The following TRIM29 variants were observed in gnomAD, a reference collection of about 807,000 sequenced individuals.
TRIM29 encodes tripartite motif containing 29.
TRIM29 carries 52 observed loss-of-function variants against 57.3 expected under a neutral mutation model. The ratio of observed to expected loss-of-function variants is 0.91; its 90% CI spans 0.73 to 1.14. The LOEUF is 1.14. Ranked by LOEUF, TRIM29 falls within the 50% of genes most tolerant of loss-of-function variation. The probability of loss-of-function intolerance (pLI) is 0.00; values close to 1 mark genes in which losing one functional copy is unlikely to be tolerated. For synonymous variants in TRIM29, 319 were observed against 316.9 expected, an observed-to-expected ratio of 1.01 and a Z score of -0.07; for missense variants, 753 against 774.6, an observed-to-expected ratio of 0.97 and a Z score of 0.33.
chr11:120,126,839 G>T (rs1174961328), intron 3 of TRIM29, among the ~76,000 whole-genome samples: 1 of 152,210 alleles, frequency 6.6e-6, no homozygotes, highest in African/African-American at 2.4e-5. Flanking sequence ...GATTGCAGTT[G>T]CTTGGAGGCA....
intron 4 of TRIM29, chr11:120,125,201 T>C (rs532256493): frequency 2.7e-4 from 45 of 163,928 alleles, no homozygotes; most frequent in African/African-American, 1.0e-3. Context: ...ACAGGCCAAG[T>C]CCAGCCTCTG....
At chr11:120,112,884 C>T (rs960886298) in intron 8 of TRIM29, among the ~76,000 whole-genome samples, 2 of 152,306 alleles carry the variant, frequency 1.3e-5, no homozygotes, top group Admixed American at 6.5e-5. Flanking sequence ...TTTACAACCA[C>T]CCAATTAAAT....
intron 5 of TRIM29, chr11:120,121,903 G>A (rs751646922): frequency 4.5e-6 from 2 of 442,532 alleles, no homozygotes; most frequent in South Asian, 3.2e-5. Context: ...CTGAGGAGAG[G>A]GGTGCTGGGG....
At chr11:120,112,581 C>T in intron 8 of TRIM29, 105 bp from the exon 9 acceptor site, 1 of 1,236,418 alleles carries the variant, frequency 8.1e-7, no homozygotes, top group Non-Finnish European at 1.2e-6. Flanking sequence ...TGATCCAAGA[C>T]CCGACAATTC....
At chr11:120,119,586 C>T (rs753013729) in intron 6 of TRIM29, among the ~76,000 whole-genome samples, 2 of 152,324 alleles carry the variant, frequency 1.3e-5, no homozygotes, top group East Asian at 1.9e-4. Flanking sequence ...CCTGTAGCAG[C>T]GAACAGGACA....
Position 120,111,571 on chromosome 11 carries a change from C to T in TRIM29, c.*843G>A, listed in dbSNP as rs1350373611. ...TTTTGCGGTCAGCCCAGCCACACTC[C>T]ATCGCCAGAGAGAATGCCAAAGTGT... is the stretch of plus-strand genomic sequence containing the variant. On this transcript the variant is annotated 3_prime_UTR_variant, in exon 9 of 9. Transcript: ENST00000341846. 1 of 152,238 alleles carries T rather than the reference C, an allele frequency of 6.6e-6. No individual in the cohort carries two copies. The highest frequency in any genetic ancestry group is 6.5e-5 in the Admixed American group (1 of 15,284). 9.4% of individuals were successfully genotyped at this position (152,238 alleles called of 1,614,324 possible).
Position 120,115,002 on chromosome 11 carries a change from T to C in TRIM29, c.1704+336A>G, listed in dbSNP as rs1337924728. Among the ~76,000 whole-genome samples the C allele has an allele frequency of 1.3e-5, 2 of 152,152 alleles. 1 individual carries two copies. Among genetic ancestry groups the C allele is most frequent in the Admixed American group, 1.3e-4 (2 of 15,278 alleles). ...GGCCTGTCCTCCCACTGGGCTGTTT[T>C]ACAATCCCAGAGCTGGCAGAACCCA... On this transcript the variant is annotated intron_variant, in intron 8 of 8. Transcript: ENST00000341846.
chr11:120,125,616 C>G, intron 4 of TRIM29, 75 bp downstream of exon 4: 1 of 1,533,334 alleles, frequency 6.5e-7, no homozygotes, highest in Non-Finnish European at 9.0e-7. Flanking sequence ...GAGGCCAGCC[C>G]ATGTCAGGCA....
intron 6 of TRIM29, among the ~76,000 whole-genome samples, chr11:120,119,187 G>T (rs1863368028): frequency 6.6e-6 from 1 of 152,208 alleles, no homozygotes; most frequent in African/African-American, 2.4e-5. Context: ...GTGGGAAAGG[G>T]GTGGGAGAAG....
At position 120,127,326 on chromosome 11, in the gene TRIM29, G is replaced by C; in HGVS notation, c.1134+10C>G. On this transcript the variant is annotated intron_variant, in intron 3 of 8. Transcript: ENST00000341846. Reference sequence around the variant, plus strand: ...TCGAGGGCTTGAGTGACAGAGGAGTGGCTTGTTACCTGCAGAAACAACACA... The same window carrying C: ...TCGAGGGCTTGAGTGACAGAGGAGTCGCTTGTTACCTGCAGAAACAACACA... The C allele has an allele frequency of 6.2e-7, 1 of 1,612,812 alleles. No individual in the cohort carries two copies. The highest frequency in any genetic ancestry group is 1.7e-5 in the Admixed American group (1 of 59,978).
chr11:120,125,749 C>T lies in TRIM29; in HGVS notation c.1275G>A (p.Glu425=), dbSNP rs536092686. The T allele has an allele frequency of 1.2e-6, 2 of 1,614,216 alleles. No individual in the cohort carries two copies. Among genetic ancestry groups the T allele is most frequent in the African/African-American group, 1.3e-5 (1 of 75,048 alleles). Reference sequence around the variant, plus strand: ...GGCTCAGGTCCGCCTTGCACATCTTCTCAACGTGGCGCATGCATACATTGA... The same window carrying T: ...GGCTCAGGTCCGCCTTGCACATCTTTTCAACGTGGCGCATGCATACATTGA... ...DLLNVCMRHV[E]KMCKADLSRN... is the part of the protein sequence containing the mutation. The change falls in exon 4 of 9, where the codon GAG becomes GAA. Residue 425 remains glutamate (E), a synonymous_variant. Transcript: ENST00000341846.
chr11:120,127,919 A>G (rs1309974793), intron 2 of TRIM29, among the ~76,000 whole-genome samples: 2 of 152,172 alleles, frequency 1.3e-5, no homozygotes, highest in Non-Finnish European at 2.9e-5. Flanking sequence ...TCAGAAAATG[A>G]ATGTATATGT....
rs781515277 is a variant in TRIM29 at position 120,111,734 on chromosome 11, T to C, written c.*680A>G. On this transcript the variant is annotated 3_prime_UTR_variant, in exon 9 of 9. Coordinates refer to ENST00000341846, the MANE Select transcript of TRIM29 (RefSeq NM_012101.4). The stretch of plus-strand genomic sequence containing the variant: ...AGGAATATCTTGGCTAAGGTCATCC[T>C]GCCAGTCAGGAGAAGCCACCCTCCA... The C allele has an allele frequency of 6.6e-6, 1 of 152,426 alleles. No homozygotes were observed. The highest frequency in any genetic ancestry group is 1.5e-5 in the Non-Finnish European group (1 of 68,188). 9.4% of individuals were successfully genotyped at this position (152,426 alleles called of 1,614,324 possible).
At chr11:120,124,564 G>A (rs1054176612) in intron 4 of TRIM29, 2 of 152,202 alleles carry the variant, frequency 1.3e-5, no homozygotes, top group Admixed American at 6.5e-5. Flanking sequence ...AAGGTAATGT[G>A]CGTGAGAAGC....
In TRIM29 at chr11:120,120,646, G is replaced by A. The variant is rs767190220; in HGVS notation, c.1455C>T (p.Tyr485=). The change falls in exon 6 of 9, where the codon TAC becomes TAT. Residue 485 remains tyrosine, a synonymous_variant. Transcript: ENST00000341846. ...TGAAGCGGCCAGGAGACGAGGGCTG[G>A]TATGATGTCCGGACCCCACCTGTGA... The part of the protein sequence containing the change: ...LTPKGGVRTS[Y]QPSSPGRFTK... The A allele has an allele frequency of 6.2e-7, 1 of 1,613,880 alleles. No individual in the cohort carries two copies. Among genetic ancestry groups the A allele is most frequent in the South Asian group, 1.1e-5 (1 of 91,022 alleles).
Position 120,125,820 on chromosome 11 carries a change from C to T in TRIM29, c.1204G>A (p.Gly402Arg). The T allele has an allele frequency of 1.2e-6, 2 of 1,614,168 alleles. No homozygotes were observed. Among genetic ancestry groups the T allele is most frequent in the Non-Finnish European group, 1.7e-6 (2 of 1,180,042 alleles). The change falls in exon 4 of 9, where the codon GGG (glycine) becomes AGG (arginine). Residue 402 changes from glycine (G) to arginine (R), a missense_variant. Coordinates refer to ENST00000341846, the MANE Select transcript of TRIM29 (RefSeq NM_012101.4). ...PLPTYHVLLEGEGLGQSLGNF... is the reference protein window; with the variant it reads ...PLPTYHVLLEREGLGQSLGNF... The stretch of plus-strand genomic sequence containing the variant: ...CCTAGTGACTGTCCCAGGCCCTCCC[C>T]CTCCAGCAGGACATGATAGGTGGGC...
chr11:120,121,328 C>T (rs1417856353), intron 5 of TRIM29: 1 of 164,066 alleles, frequency 6.1e-6, no homozygotes, highest in Admixed American at 5.7e-5. Context: ...TTCACCCCTC[C>T]AGGGAAGGAG....
intron 4 of TRIM29, chr11:120,125,285 C>T (rs891298428): frequency 5.5e-5 from 13 of 236,148 alleles, no homozygotes; most frequent in South Asian, 1.4e-4. Context: ...TTCTAGGTCA[C>T]GTCTGCTAGA....
intron 7 of TRIM29, chr11:120,117,899 G>A (rs1652264670): frequency 8.7e-6 from 3 of 344,172 alleles, no homozygotes; most frequent in Non-Finnish European, 1.1e-5. Context: ...AGTAGGAGAA[G>A]CAGCATCCTG....
Sources: gnomAD v4.1 joint callset for allele counts (sites outside exome capture counted in the v4.1 genomes callset) on GRCh38, gnomAD v4.1.1 for gene constraint, MANE v1.5 for transcripts, NCBI Gene and HGNC (gene_info 2026-07-23, HGNC 2026-07-21) for gene names.